The following SMARCA1 variants were observed in gnomAD, a reference collection of about 807,000 sequenced individuals.
SMARCA1 encodes SWI/SNF-related matrix-associated actin-dependent regulator of chromatin subfamily A member 1.
In SMARCA1, 17 loss-of-function variants were observed where a neutral mutation model predicts 93.6. That is an observed-to-expected ratio of 0.18 (90% confidence interval 0.12 to 0.27). The LOEUF is 0.27. Among genes scored for constraint, SMARCA1 ranks in the 10% least tolerant of loss-of-function variants. The pLI, the probability that SMARCA1 is intolerant of heterozygous loss-of-function variation, is 1.00. For synonymous variants in SMARCA1, 271 were observed against 271.4 expected (o/e 1.00, Z 0.01); for missense variants, 630 against 819.0 (o/e 0.77, Z 2.82).
intron 1 of SMARCA1, among the ~76,000 whole-genome samples, chrX:129,521,717 CACA>C (rs1342901106): frequency 4.4e-5 from 5 of 112,392 alleles, no homozygotes; most frequent in Admixed American, 9.4e-5. Flanking sequence ...TTCCGAATTT[CACA>C]ACATTTGATT....
chrX:129,516,367 T>A lies in SMARCA1; in HGVS notation c.392A>T (p.Lys131Met), dbSNP rs748032194. The A allele has an allele frequency of 1.7e-6, 2 of 1,210,109 alleles. No homozygotes were observed. Among genetic ancestry groups the A allele is most frequent in the South Asian group, 3.5e-5 (2 of 56,740 alleles). ...AATTAAGCTCTGCTTTTCATCTTTCTTTATTCGGGGACGTCCCAATTTCAT... is the reference window on the plus strand; with the variant it reads ...AATTAAGCTCTGCTTTTCATCTTTCATTATTCGGGGACGTCCCAATTTCAT... ...LNMKLGRPRI[K>M]KDEKQSLISA... The change falls in exon 3 of 25, where the codon AAG becomes ATG. Residue 131 changes from lysine to methionine, a missense_variant. Lys to Met is a moderately conservative substitution (Grantham distance 95). Coordinates refer to ENST00000371121, the MANE Select transcript of SMARCA1 (RefSeq NM_001282874.2).
In SMARCA1 at chrX:129,507,805, G is replaced by A. The variant is rs778524954; in HGVS notation, c.966+136C>T. The A allele has an allele frequency of 5.4e-4, 222 of 411,729 alleles. 1 individual carries two copies. Among genetic ancestry groups the A allele is most frequent in the Middle Eastern group, 3.5e-3 (5 of 1,443 alleles). The allele number at this position is 411,729 out of a possible 1,213,427, so 33.9% of individuals were successfully genotyped here. A position where few individuals can be genotyped will look rare whatever the true frequency, so the allele number is the denominator to read the frequency against. On this transcript the variant is annotated intron_variant, in intron 7 of 24. Coordinates refer to ENST00000371121, the MANE Select transcript of SMARCA1 (RefSeq NM_001282874.2). ...TTGATCTTGTGATCCGCCCTCCTCG[G>A]CCTCCCAAAGTGCTGGGATTACAGG...
rs768143983 is a variant in SMARCA1, at chrX:129,523,188, C to A, written c.174+9G>T. The A allele has an allele frequency of 2.5e-6, 3 of 1,210,545 alleles. No homozygotes were observed. Among genetic ancestry groups the A allele is most frequent in the Non-Finnish European group, 3.4e-6 (3 of 894,574 alleles). ...TTGTCCACCACACACACACCCCCTT[C>A]CTATTTACCTCCTTCTTCTTCTCGC... On this transcript the variant is annotated intron_variant, in intron 1 of 24. Transcript: ENST00000371121.
chrX:129,451,700 A>ATTTT (rs772285996), intron 23 of SMARCA1, among the ~76,000 whole-genome samples: 6 of 81,439 alleles, frequency 7.4e-5, no homozygotes, highest in Non-Finnish European at 7.1e-5. Flanking sequence ...TACCAGCTCC[A>ATTTT]TTTTTTTTTT....
chrX:129,521,220 C>G (rs1051769946), intron 1 of SMARCA1, among the ~76,000 whole-genome samples: 1 of 111,853 alleles, frequency 8.9e-6, no homozygotes, highest in Non-Finnish European at 1.9e-5. Context: ...CACAACACTG[C>G]AAGAGTCTGG....
intron 5 of SMARCA1, 111 bp downstream of exon 5, chrX:129,515,576 C>A (rs1261429372): frequency 3.8e-6 from 2 of 522,068 alleles, no homozygotes; most frequent in Non-Finnish European, 6.7e-6. Flanking sequence ...TACATGATAA[C>A]AACTTTTAAA....
At chrX:129,509,743 A>T (rs904402733) in intron 6 of SMARCA1, among the ~76,000 whole-genome samples, 19 of 111,673 alleles carry the variant, frequency 1.7e-4, no homozygotes, top group Non-Finnish European at 2.4e-4. Context: ...AACCCTACAC[A>T]ATCAGTAGCA....
chrX:129,499,441 C>T (rs778503711), intron 10 of SMARCA1, among the ~76,000 whole-genome samples: 120 of 111,419 alleles, frequency 1.1e-3, no homozygotes, highest in African/African-American at 3.6e-3. Flanking sequence ...TATTATTATC[C>T]CCATTTTACA....
intron 7 of SMARCA1, among the ~76,000 whole-genome samples, chrX:129,506,705 AAAAAAAAAAG>A (rs1267493583): frequency 1.1e-4 from 10 of 94,198 alleles, no homozygotes; most frequent in African/African-American, 3.7e-4. Context: ...AAAAAAAAAA[AAAAAAAAAAG>A]GAAGAAGAAT....
chrX:129,475,112 A>C (rs1303340863), intron 19 of SMARCA1, among the ~76,000 whole-genome samples: 1 of 109,980 alleles, frequency 9.1e-6, no homozygotes, highest in African/African-American at 3.3e-5. Flanking sequence ...CTCCTATAAA[A>C]AAAAACCTTA....
At chrX:129,490,797 A>C (rs770762823) in intron 14 of SMARCA1, among the ~76,000 whole-genome samples, 6 of 110,675 alleles carry the variant, frequency 5.4e-5, no homozygotes, top group Middle Eastern at 4.6e-3. Context: ...AGGGTGGTAG[A>C]GAAAAAAAAA....
chrX:129,466,609 C>T (rs751584509), intron 21 of SMARCA1, among the ~76,000 whole-genome samples: 17 of 110,873 alleles, frequency 1.5e-4, no homozygotes, highest in South Asian at 7.6e-4. Context: ...GAGCCGAGAT[C>T]GCGCCACTGC....
At chrX:129,460,848 C>T (rs1429618334) in intron 23 of SMARCA1, among the ~76,000 whole-genome samples, 2 of 111,795 alleles carry the variant, frequency 1.8e-5, no homozygotes, top group Non-Finnish European at 3.8e-5. Context: ...TGAACCAATA[C>T]TAATTAACAT....
chrX:129,523,063 A>T (rs1054840199), intron 1 of SMARCA1, 134 bp downstream of exon 1: 1 of 681,710 alleles, frequency 1.5e-6, no homozygotes, highest in Non-Finnish European at 2.1e-6. Context: ...TCCGCCGCCG[A>T]CCCCCGCACC....
intron 23 of SMARCA1, among the ~76,000 whole-genome samples, chrX:129,454,434 T>C (rs1335532284): frequency 8.9e-6 from 1 of 111,769 alleles, no homozygotes; most frequent in Non-Finnish European, 1.9e-5. Flanking sequence ...AAGCCAAAAT[T>C]GACAAATGAG....
chrX:129,456,131 G>A (rs182145286), intron 23 of SMARCA1, among the ~76,000 whole-genome samples: 5 of 111,448 alleles, frequency 4.5e-5, no homozygotes, highest in Admixed American at 9.6e-5. Context: ...TGAAACCAAC[G>A]CTCATTTATT....
At chrX:129,491,470 G>GT (rs1934126500) in intron 14 of SMARCA1, among the ~76,000 whole-genome samples, 1 of 111,323 alleles carries the variant, frequency 9.0e-6, no homozygotes, top group African/African-American at 3.3e-5. Context: ...AGTAGCAAGT[G>GT]TTTTTCTGGA....
At position 129,516,785 on chromosome X, in the gene SMARCA1, T is replaced by C. The variant is rs186946551; in HGVS notation, c.262-288A>G. ...GGAAGAAAAATTATCTGACAGACAGTAAATTCCCCAATAAGAAATACCCTT... is the reference window on the plus strand; with the variant it reads ...GGAAGAAAAATTATCTGACAGACAGCAAATTCCCCAATAAGAAATACCCTT... On this transcript the variant is annotated intron_variant, in intron 2 of 24. Transcript: ENST00000371121. Among the ~76,000 whole-genome samples, 387 of 111,615 alleles carry C rather than the reference T, an allele frequency of 3.5e-3. 1 individual carries two copies. Among genetic ancestry groups the C allele is most frequent in the Non-Finnish European group, 5.5e-3 (293 of 53,018 alleles).
At chrX:129,470,014 T>A (rs1440632006) in intron 20 of SMARCA1, among the ~76,000 whole-genome samples, 1 of 111,785 alleles carries the variant, frequency 8.9e-6, no homozygotes, top group Non-Finnish European at 1.9e-5. Context: ...CTCAAAAACT[T>A]ATGAATGTAA....
Sources: gnomAD v4.1 joint callset for allele counts (sites outside exome capture counted in the v4.1 genomes callset) on GRCh38, gnomAD v4.1.1 for gene constraint, MANE v1.5 for transcripts, NCBI Gene and HGNC (gene_info 2026-07-23, HGNC 2026-07-21) for gene names.